CACNA1C: variants seen among roughly 807,000 people sequenced by gnomAD.
CACNA1C encodes the protein calcium voltage-gated channel subunit alpha1 C, also known as voltage-dependent L-type calcium channel subunit alpha-1C.
A neutral mutation model predicts 229.0 loss-of-function variants in CACNA1C; 30 were observed. The observed-to-expected ratio is 0.13, with a 90% confidence interval of 0.10 to 0.18. The LOEUF (loss-of-function observed/expected upper bound fraction) is 0.18, where lower values mean the gene tolerates loss of function less well. CACNA1C is among the 10% of genes least tolerant of loss of function. The probability of loss-of-function intolerance (pLI) is 1.00; values close to 1 mark genes in which losing one functional copy is unlikely to be tolerated. For synonymous variants in CACNA1C, 1,114 were observed against 1,132.5 expected, an observed-to-expected ratio of 0.98 and a Z score of 0.33; for missense variants, 1,658 against 2,845.0, an observed-to-expected ratio of 0.58 and a Z score of 9.49.
At chr12:2,379,946 G>A (rs1216482840) in intron 3 of CACNA1C, among the ~76,000 whole-genome samples, 2 of 147,546 alleles carry the variant, frequency 1.4e-5, no homozygotes, top group South Asian at 4.4e-4. Context: ...CAGGAGAATG[G>A]CGTGAACCCG....
intron 3 of CACNA1C, among the ~76,000 whole-genome samples, chr12:2,211,924 T>G (rs935866363): frequency 6.6e-6 from 1 of 151,982 alleles, no homozygotes; most frequent in African/African-American, 2.4e-5. Context: ...TTTCACCATG[T>G]TGGCCAGGCT....
chr12:2,036,689 C>T (rs2049203078), intron 1 of CACNA1C, among the ~76,000 whole-genome samples: 1 of 152,146 alleles, frequency 6.6e-6, no homozygotes, highest in Admixed American at 6.5e-5. Flanking sequence ...TGGCCTTGAA[C>T]CCCTGACCTT....
chr12:2,626,596 C>T (rs992028995), intron 29 of CACNA1C, among the ~76,000 whole-genome samples: 4 of 152,206 alleles, frequency 2.6e-5, no homozygotes, highest in African/African-American at 9.7e-5. Flanking sequence ...CCTTATCCCT[C>T]TCCAAGGAGG....
chr12:2,121,923 C>T (rs1162029651), intron 3 of CACNA1C, among the ~76,000 whole-genome samples: 2 of 152,164 alleles, frequency 1.3e-5, no homozygotes, highest in Non-Finnish European at 2.9e-5. Context: ...CTGCTCAAGG[C>T]CCATGCAGTG....
chr12:2,553,196 A>G (rs2042256637), intron 10 of CACNA1C, among the ~76,000 whole-genome samples: 2 of 152,124 alleles, frequency 1.3e-5, no homozygotes, highest in African/African-American at 4.8e-5. Flanking sequence ...CTCTGGGAAA[A>G]AGAAGGGTCA....
intron 3 of CACNA1C, among the ~76,000 whole-genome samples, chr12:2,123,260 C>T (rs543776588): frequency 6.6e-6 from 1 of 151,042 alleles, no homozygotes; most frequent in African/African-American, 2.4e-5. Context: ...CCTGTAGTCC[C>T]AGCTACTCAG....
chr12:2,695,789 C>A lies in CACNA1C; in HGVS notation c.*4590C>A, dbSNP rs185035731. ...GTTTAACTTCATTCATCAATTTATT[C>A]TTATGTCAAAGCAATGAAACTTTTC... On this transcript the variant is annotated 3_prime_UTR_variant, in exon 47 of 47. Transcript: ENST00000399655. 27 of 152,320 alleles carry A rather than the reference C, an allele frequency of 1.8e-4. No homozygotes were observed. The highest frequency in any genetic ancestry group is 5.8e-4 in the African/African-American group (24 of 41,564). 9.4% of individuals were successfully genotyped at this position (152,320 alleles called of 1,614,324 possible).
chr12:2,058,941 G>A (rs919717686), intron 1 of CACNA1C, among the ~76,000 whole-genome samples: 9 of 152,202 alleles, frequency 5.9e-5, no homozygotes, highest in Non-Finnish European at 1.2e-4. Flanking sequence ...CTGAGCCTGT[G>A]TAGACACGGG....
chr12:2,117,704 G>A (rs1030486015), intron 2 of CACNA1C, among the ~76,000 whole-genome samples: 8 of 152,364 alleles, frequency 5.3e-5, no homozygotes, highest in Admixed American at 3.3e-4. Context: ...GGTCTTAGGA[G>A]GATGCTCAGG....
At chr12:2,022,019 G>GA (rs969389515) in intron 1 of CACNA1C, among the ~76,000 whole-genome samples, 3 of 152,158 alleles carry the variant, frequency 2.0e-5, no homozygotes, top group Admixed American at 6.5e-5. Flanking sequence ...TTGATGGGAA[G>GA]AAAAAATGGA....
intron 13 of CACNA1C, among the ~76,000 whole-genome samples, chr12:2,573,432 A>G (rs545424807): frequency 6.6e-6 from 1 of 152,374 alleles, no homozygotes; most frequent in South Asian, 2.1e-4. Context: ...GGTAAGAACT[A>G]CTATGAATTC....
intron 3 of CACNA1C, among the ~76,000 whole-genome samples, chr12:2,199,647 C>T (rs2097527350): frequency 1.3e-5 from 2 of 152,108 alleles, no homozygotes; most frequent in African/African-American, 4.8e-5. Flanking sequence ...CCCCCAGTCC[C>T]CACATTGTTT....
intron 5 of CACNA1C, 114 bp from the exon 6 acceptor site, chr12:2,485,990 T>G: frequency 1.2e-6 from 1 of 822,256 alleles, no homozygotes. Context: ...TCTTCTCATC[T>G]AAACAACAGG....
At chr12:2,557,791 G>C (rs189555671) in intron 11 of CACNA1C, among the ~76,000 whole-genome samples, 3 of 152,154 alleles carry the variant, frequency 2.0e-5, no homozygotes, top group African/African-American at 4.8e-5. Context: ...CATGACACTC[G>C]GATTACTGGC....
chr12:2,356,902 G>A (rs917422702), intron 3 of CACNA1C, among the ~76,000 whole-genome samples: 2 of 152,244 alleles, frequency 1.3e-5, no homozygotes. Flanking sequence ...CACACAGCTA[G>A]TATGCAATAA....
At chr12:2,178,296 G>C (rs1038962924) in intron 3 of CACNA1C, among the ~76,000 whole-genome samples, 5 of 152,236 alleles carry the variant, frequency 3.3e-5, no homozygotes, top group African/African-American at 1.2e-4. Context: ...GGAGCCAGCG[G>C]CTGGCTATCG....
Position 2,332,966 on chromosome 12 carries a change from G to A in CACNA1C, c.478-116010G>A, listed in dbSNP as rs1036302493. 4.6e-5 allele frequency among the ~76,000 whole-genome samples: 7 copies of A among 152,212 alleles called. No homozygotes were observed. In the South Asian group the frequency reaches 1.4e-3, roughly 32 times the overall value. On this transcript the variant is annotated intron_variant, in intron 3 of 46. Coordinates refer to ENST00000399655, the MANE Select transcript of CACNA1C (RefSeq NM_000719.7). ...AGAAAACAACAAATAAAGTAGCAAT[G>A]AAGTTCTGAGTCTTTCTGTGACTGT...
At chr12:2,470,221 A>G (rs957814688) in intron 5 of CACNA1C, among the ~76,000 whole-genome samples, 4 of 152,224 alleles carry the variant, frequency 2.6e-5, no homozygotes, top group African/African-American at 9.6e-5. Context: ...GGACTGTGGC[A>G]GGTGGTATAA....
At chr12:2,176,487 T>C (rs1250505765) in intron 3 of CACNA1C, among the ~76,000 whole-genome samples, 1 of 151,172 alleles carries the variant, frequency 6.6e-6, no homozygotes, top group East Asian at 2.0e-4. Context: ...CAAGTAAGGG[T>C]AGAACTGAGT....
Sources: gnomAD v4.1 joint callset for allele counts (sites outside exome capture counted in the v4.1 genomes callset) on GRCh38, gnomAD v4.1.1 for gene constraint, MANE v1.5 for transcripts, NCBI Gene and HGNC (gene_info 2026-07-23, HGNC 2026-07-21) for gene names.